Variants in CWH43 observed in about 807,000 individuals in gnomAD.
The protein encoded by CWH43 is cell wall biogenesis 43 C-terminal homolog, also known as PGAP2-interacting protein.
A neutral mutation model predicts 85.7 loss-of-function variants in CWH43; 91 were observed. The observed-to-expected ratio is 1.06, with a 90% CI of 0.90 to 1.26. The LOEUF (loss-of-function observed/expected upper bound fraction) is 1.26. Among genes scored for constraint, CWH43 ranks in the 50% most tolerant of loss-of-function variants. CWH43 has a pLI of 0.00. For missense variants in CWH43, 869 were observed against 839.2 expected (o/e 1.04, Z -0.44); for synonymous variants, 323 against 293.6 (o/e 1.10, Z -1.02).
chr4:49,055,910 T>C (rs1265945337), intron 15 of CWH43, among the ~76,000 whole-genome samples: 8 of 92,022 alleles, frequency 8.7e-5, no homozygotes, highest in Admixed American at 3.2e-4. Context: ...TTTTTCTTTT[T>C]TTCTTTTTTT....
intron 9 of CWH43, among the ~76,000 whole-genome samples, chr4:49,026,437 G>A (rs1201625583): frequency 6.6e-6 from 1 of 152,166 alleles, no homozygotes; most frequent in Non-Finnish European, 1.5e-5. Flanking sequence ...GTGGGTCTCC[G>A]TGTGCTGCTC....
Position 49,025,295 on chromosome 4 carries a change from C to T in CWH43, c.1267-3334C>T, listed in dbSNP as rs1411333299. ...TTTATTTCTTTAAGTCTGACTTTAC[C>T]TTTTTCTGGTGCCTCCTTGATTGGC... On this transcript the variant is annotated intron_variant, in intron 9 of 15. Transcript: ENST00000226432. Among the ~76,000 whole-genome samples the T allele has an allele frequency of 3.7e-4, 56 of 151,418 alleles. No individual in the cohort carries two copies. In the East Asian group the frequency reaches 0.01, roughly 28 times the overall value.
chr4:48,992,537 G>A lies in CWH43; in HGVS notation c.511+447G>A, dbSNP rs1186757505. Among the ~76,000 whole-genome samples the A allele has an allele frequency of 1.3e-5, 2 of 152,130 alleles. No individual in the cohort carries two copies. Among genetic ancestry groups the A allele is most frequent in the Non-Finnish European group, 1.5e-5 (1 of 68,012 alleles). On this transcript the variant is annotated intron_variant, in intron 4 of 15. Transcript: ENST00000226432. This position sits in a 1 kb window ranked among gnomAD's most constrained non-coding sequence, Gnocchi z 4.3. ...ACTCCCTGGGTTTTTTTTCCCAGAG[G>A]TCTGAAGCTCCAAATCTAAGAATTG...
chr4:49,052,555 T>TA (rs1254148046), intron 15 of CWH43, among the ~76,000 whole-genome samples: 1 of 152,188 alleles, frequency 6.6e-6, no homozygotes, highest in African/African-American at 2.4e-5. Context: ...AAATGGAAGC[T>TA]AAAAAATCAG....
chr4:48,991,487 A>G lies in CWH43; in HGVS notation c.269A>G (p.Lys90Arg). Residue 90 changes from lysine to arginine, a missense_variant, in exon 3 of 16, where the codon AAA becomes AGA. Coordinates refer to ENST00000226432, the MANE Select transcript of CWH43 (RefSeq NM_025087.3). ...SIASFQAPNAKLRLMVLALGV... is the reference protein window; with the variant it reads ...SIASFQAPNARLRLMVLALGV... ...GCCTCCTTCCAGGCTCCAAATGCCAAACTTCGACTGATGGTTCTTGCGCTT... is the reference window on the plus strand; with the variant it reads ...GCCTCCTTCCAGGCTCCAAATGCCAGACTTCGACTGATGGTTCTTGCGCTT... 6.2e-7 allele frequency: 1 copy of G among 1,614,104 alleles called. No individual in the cohort carries two copies.
chr4:49,055,370 G>A (rs932294882), intron 15 of CWH43, among the ~76,000 whole-genome samples: 5 of 152,136 alleles, frequency 3.3e-5, no homozygotes, highest in African/African-American at 1.2e-4. Flanking sequence ...TGATCAGGGT[G>A]TATGATCCTT....
chr4:49,010,802 A>G (rs1422819664), intron 8 of CWH43, among the ~76,000 whole-genome samples: 2 of 152,130 alleles, frequency 1.3e-5, no homozygotes, highest in East Asian at 3.8e-4. Flanking sequence ...GAGTTTCTTA[A>G]TCCTGAATTC....
chr4:49,030,955 T>A lies in CWH43; in HGVS notation c.1503T>A (p.Thr501=). 1 of 1,589,690 alleles carries A rather than the reference T, an allele frequency of 6.3e-7. No homozygotes were observed. Among genetic ancestry groups the A allele is most frequent in the Non-Finnish European group, 8.5e-7 (1 of 1,171,518 alleles). ...TDFGPSTRYH[T]WGIMALSRYP... ...TTGGTCCAAGCACAAGGTATCACAC[T>A]TGGGGGTGAGTATACCTTGGGAGTT... is the stretch of plus-strand genomic sequence containing the variant. Residue 501 remains threonine (T), a synonymous_variant, in exon 11 of 16, where the codon ACT becomes ACA. Transcript: ENST00000226432.
intron 15 of CWH43, among the ~76,000 whole-genome samples, chr4:49,058,403 C>A (rs1785034538): frequency 6.6e-6 from 1 of 152,064 alleles, no homozygotes; most frequent in African/African-American, 2.4e-5. Flanking sequence ...TGTCACAATT[C>A]ATGTATTTTA....
At chr4:48,999,065 G>T (rs1316444364) in intron 6 of CWH43, among the ~76,000 whole-genome samples, 1 of 151,990 alleles carries the variant, frequency 6.6e-6, no homozygotes, top group Non-Finnish European at 1.5e-5. Flanking sequence ...TATTCTTCCT[G>T]ATCCTCTCTC....
At chr4:49,020,955 G>A (rs1312398340) in intron 9 of CWH43, among the ~76,000 whole-genome samples, 1 of 151,848 alleles carries the variant, frequency 6.6e-6, no homozygotes, top group Non-Finnish European at 1.5e-5. Context: ...CTGGATATTA[G>A]TCCTTTGTCA....
chr4:49,011,332 A>C (rs1783351469), intron 8 of CWH43, among the ~76,000 whole-genome samples: 1 of 152,030 alleles, frequency 6.6e-6, no homozygotes, highest in Middle Eastern at 3.4e-3. Context: ...TTTGCTTGGT[A>C]GATCTTCCTC....
At chr4:49,051,425 C>T (rs919152241) in intron 15 of CWH43, among the ~76,000 whole-genome samples, 7 of 152,162 alleles carry the variant, frequency 4.6e-5, no homozygotes, top group African/African-American at 1.4e-4. Context: ...CTGGGCCCCA[C>T]CCCAGACCAA....
In CWH43 at chr4:49,017,348, G is replaced by C; in HGVS notation, c.1266+20G>C. 1 of 1,523,378 alleles carries C rather than the reference G, an allele frequency of 6.6e-7. No homozygotes were observed. The highest frequency in any genetic ancestry group is 9.1e-7 in the Non-Finnish European group (1 of 1,104,400). The allele number at this position is 1,523,378 out of a possible 1,614,324, so 94.4% of individuals were successfully genotyped here. A position where few individuals can be genotyped will look rare whatever the true frequency, so the allele number is the denominator to read the frequency against. Reference sequence around the variant, plus strand: ...AAAGTGGTAAGTAATTAAAAACCTTGAAATAGAATTTTATATGGTATATAT... The same window carrying C: ...AAAGTGGTAAGTAATTAAAAACCTTCAAATAGAATTTTATATGGTATATAT... On this transcript the variant is annotated intron_variant, in intron 9 of 15. Coordinates refer to ENST00000226432, the MANE Select transcript of CWH43 (RefSeq NM_025087.3).
intron 2 of CWH43, among the ~76,000 whole-genome samples, chr4:48,990,650 A>G (rs1310703792): frequency 6.6e-6 from 1 of 152,218 alleles, no homozygotes; most frequent in East Asian, 1.9e-4. Context: ...AAGTGTTGAC[A>G]AGGATGTGGG....
At chr4:49,044,403 A>G (rs1408757798) in intron 13 of CWH43, among the ~76,000 whole-genome samples, 1 of 152,206 alleles carries the variant, frequency 6.6e-6, no homozygotes, top group Non-Finnish European at 1.5e-5. Context: ...ACCTGGCACG[A>G]TGGCATAACT....
At position 49,057,480 on chromosome 4, in the gene CWH43, C is replaced by G. The variant is rs559158493; in HGVS notation, c.2022-4332C>G. On this transcript the variant is annotated intron_variant, in intron 15 of 15. Coordinates refer to ENST00000226432, the MANE Select transcript of CWH43 (RefSeq NM_025087.3). ...GGATGACTTCAAATAGAATGGGAGG[C>G]AGGTTTGCCCTAAGCGGTTCCCAGC... Among the ~76,000 whole-genome samples the G allele has an allele frequency of 1.9e-3, 284 of 152,282 alleles. 2 individuals are homozygous for G. Among genetic ancestry groups the G allele is most frequent in the African/African-American group, 6.4e-3 (266 of 41,570 alleles).
chr4:49,016,031 C>G (rs1325795696), intron 8 of CWH43, among the ~76,000 whole-genome samples: 1 of 151,612 alleles, frequency 6.6e-6, no homozygotes, highest in Non-Finnish European at 1.5e-5. Flanking sequence ...TTCTTTGTTT[C>G]CTGCTCATGG....
intron 9 of CWH43, 149 bp downstream of exon 9, chr4:49,017,477 G>A (rs962642282): frequency 3.0e-5 from 16 of 535,300 alleles, no homozygotes; most frequent in Non-Finnish European, 4.9e-5. Context: ...AGACTGATAA[G>A]ATAGTGGGAT....
Sources: allele counts gnomAD v4.1 joint callset (sites outside exome capture counted in the v4.1 genomes callset), GRCh38; gene constraint gnomAD v4.1.1; non-coding constraint Gnocchi (gnomAD v3.1); transcripts MANE v1.5; gene names NCBI Gene and HGNC (gene_info 2026-07-23, HGNC 2026-07-21).